RNFT2: variants seen among roughly 807,000 people sequenced by gnomAD.
RNFT2 encodes E3 ubiquitin-protein ligase RNFT2.
In RNFT2, 36 loss-of-function variants were observed where a neutral mutation model predicts 53.0. The observed-to-expected ratio is 0.68, with a 90% CI of 0.52 to 0.90. RNFT2 has a LOEUF of 0.90. Among genes scored for constraint, RNFT2 ranks in the 40% least tolerant of loss-of-function variants. The probability of loss-of-function intolerance (pLI) is 0.00; values close to 1 mark genes in which losing one functional copy is unlikely to be tolerated. For missense variants in RNFT2, 514 were observed against 585.6 expected (o/e 0.88, Z 1.26); for synonymous variants, 260 against 253.2 (o/e 1.03, Z -0.26).
At chr12:116,800,863 A>T (rs55846478) in intron 7 of RNFT2, among the ~76,000 whole-genome samples, 599 of 42,556 alleles carry the variant, frequency 0.014, 14 homozygotes, top group East Asian at 0.088. Context: ...TAAAATAAAA[A>T]CCATTTAACA....
chr12:116,753,503 T>C (rs532741032), intron 4 of RNFT2, among the ~76,000 whole-genome samples: 1 of 152,308 alleles, frequency 6.6e-6, no homozygotes, highest in South Asian at 2.1e-4. Flanking sequence ...ATTCTATCAA[T>C]CAGATTCTTT....
intron 7 of RNFT2, among the ~76,000 whole-genome samples, chr12:116,796,421 T>A (rs527843937): frequency 2.8e-4 from 42 of 152,162 alleles, no homozygotes; most frequent in Non-Finnish European, 5.9e-4. Flanking sequence ...TCATCTTAAC[T>A]AAGTTCTAGC....
intron 10 of RNFT2, among the ~76,000 whole-genome samples, chr12:116,841,839 A>ATATATAAATATATATATATT (rs1877301524): frequency 4.6e-5 from 1 of 21,918 alleles, no homozygotes; most frequent in African/African-American, 2.0e-4. Context: ...ATATAAATAT[A>ATATATAAATATATATATATT]TATATAAATA....
chr12:116,776,134 G>T (rs1359853562), intron 6 of RNFT2, among the ~76,000 whole-genome samples: 2 of 152,096 alleles, frequency 1.3e-5, no homozygotes, highest in Non-Finnish European at 2.9e-5. Context: ...AGTTTGTAGA[G>T]TAATTTAGAA....
intron 7 of RNFT2, among the ~76,000 whole-genome samples, chr12:116,790,029 TACAGCA>T (rs1056834117): frequency 1.3e-5 from 2 of 152,054 alleles, no homozygotes; most frequent in Admixed American, 6.6e-5. Context: ...TACCTCCTCT[TACAGCA>T]ACAGCAAGAG....
At position 116,755,818 on chromosome 12, in the gene RNFT2, A is replaced by G. The variant is rs964313235; in HGVS notation, c.627+1758A>G. 148 of 1,566,084 alleles carry G rather than the reference A, an allele frequency of 9.5e-5. 1 individual carries two copies. Among genetic ancestry groups the G allele is most frequent in the Middle Eastern group, 6.8e-4 (4 of 5,868 alleles). On this transcript the variant is annotated intron_variant, in intron 5 of 10. Coordinates refer to ENST00000257575, the MANE Select transcript of RNFT2 (RefSeq NM_001382266.1). ...CCAAAGGAACAACTCCATGTTTTCT[A>G]AAAGGCCTAGAGAACATATATCGGG...
At chr12:116,807,416 A>C (rs1875135327) in intron 7 of RNFT2, among the ~76,000 whole-genome samples, 1 of 152,200 alleles carries the variant, frequency 6.6e-6, no homozygotes, top group African/African-American at 2.4e-5. Flanking sequence ...TAAATGCTTC[A>C]TTAACATGAA....
chr12:116,841,098 C>A (rs1877226117), intron 10 of RNFT2, among the ~76,000 whole-genome samples: 1 of 152,116 alleles, frequency 6.6e-6, no homozygotes, highest in South Asian at 2.1e-4. Context: ...ACAAGTTACC[C>A]CAAAACTCAG....
chr12:116,814,671 G>A (rs1454778322), intron 7 of RNFT2, among the ~76,000 whole-genome samples: 3 of 152,060 alleles, frequency 2.0e-5, no homozygotes, highest in East Asian at 1.9e-4. Context: ...CACTGTTGCC[G>A]TATGATATTT....
chr12:116,757,837 C>A (rs937011313), intron 5 of RNFT2, among the ~76,000 whole-genome samples: 2 of 152,096 alleles, frequency 1.3e-5, no homozygotes, highest in African/African-American at 4.8e-5. Context: ...TCTGTTAAAT[C>A]CATTTGTTCC....
At chr12:116,846,848 C>T (rs2137226086) in intron 10 of RNFT2, among the ~76,000 whole-genome samples, 1 of 151,776 alleles carries the variant, frequency 6.6e-6, no homozygotes, top group Admixed American at 6.6e-5. Context: ...TGTGCATCTC[C>T]CAGGAACAAG....
intron 7 of RNFT2, among the ~76,000 whole-genome samples, chr12:116,815,347 C>T (rs1271443941): frequency 1.3e-5 from 2 of 152,196 alleles, no homozygotes; most frequent in Non-Finnish European, 2.9e-5. Context: ...AACAACACAA[C>T]TGTATTATCT....
intron 5 of RNFT2, among the ~76,000 whole-genome samples, chr12:116,760,429 T>G (rs1244499878): frequency 6.6e-6 from 1 of 152,190 alleles, no homozygotes; most frequent in East Asian, 1.9e-4. Flanking sequence ...CTGTGGAGTT[T>G]TAGCCCTTGC....
At position 116,788,528 on chromosome 12, in the gene RNFT2, C is replaced by T. The variant is rs79442021; in HGVS notation, c.882+9180C>T. On this transcript the variant is annotated intron_variant, in intron 7 of 10. Transcript: ENST00000257575. ...GCTAGGTGTGGTGCTCCCACGAGGA[C>T]TCCTACAGCACCCTATACTTCCCCT... Among the ~76,000 whole-genome samples, 113 of 152,274 alleles carry T rather than the reference C, an allele frequency of 7.4e-4. No individual in the cohort carries two copies. The East Asian group carries it at 0.02, about 27-fold the overall frequency.
intron 7 of RNFT2, among the ~76,000 whole-genome samples, chr12:116,782,856 A>G (rs1873775337): frequency 6.6e-6 from 1 of 152,040 alleles, no homozygotes; most frequent in Non-Finnish European, 1.5e-5. Flanking sequence ...ACCCTTCTAG[A>G]CTAGACCACT....
At chr12:116,748,007 G>A (rs954235569) in intron 3 of RNFT2, among the ~76,000 whole-genome samples, 106 of 152,132 alleles carry the variant, frequency 7.0e-4, no homozygotes, top group African/African-American at 2.3e-3. Flanking sequence ...CCTGGCCAAC[G>A]CGGTGAAACC....
At position 116,839,349 on chromosome 12, in the gene RNFT2, G is replaced by A. The variant is rs190569983; in HGVS notation, c.1200+3067G>A. On this transcript the variant is annotated intron_variant, in intron 10 of 10. Transcript: ENST00000257575. ...GACAGAAGGAAGGATGGATGGGATG[G>A]TTGGATGGAATGTTTAGATTAATAG... Among the ~76,000 whole-genome samples, 5 of 146,364 alleles carry A rather than the reference G, an allele frequency of 3.4e-5. No individual in the cohort carries two copies. The East Asian group carries it at 1.1e-3, about 32-fold the overall frequency.
At position 116,750,086 on chromosome 12, in the gene RNFT2, G is replaced by T. The variant is rs1024413016; in HGVS notation, c.329G>T (p.Arg110Leu). ...GRGEGGAYHH[R>L]QPHHHFHHGG... The stretch of plus-strand genomic sequence containing the variant: ...GGCGAGGGGGGCGCCTACCACCACC[G>T]CCAGCCCCACCACCATTTCCACCAT... Residue 110 changes from arginine (R) to leucine (L), a missense_variant, in exon 4 of 11, where the codon CGC becomes CTC. Around this residue, in one of 3 missense-constraint regions of RNFT2, gnomAD observed 237 missense variants for 235.1 expected, o/e 1.01. Coordinates refer to ENST00000257575, the MANE Select transcript of RNFT2 (RefSeq NM_001382266.1). 1.3e-6 allele frequency: 2 copies of T among 1,549,364 alleles called. No individual in the cohort carries two copies. The highest frequency in any genetic ancestry group is 1.7e-6 in the Non-Finnish European group (2 of 1,152,120).
At position 116,794,429 on chromosome 12, in the gene RNFT2, C is replaced by T. The variant is rs569376820; in HGVS notation, c.882+15081C>T. Among the ~76,000 whole-genome samples the T allele has an allele frequency of 5.3e-5, 8 of 151,406 alleles. No individual in the cohort carries two copies. The South Asian group carries it at 1.7e-3, about 32-fold the overall frequency. On this transcript the variant is annotated intron_variant, in intron 7 of 10. Transcript: ENST00000257575. ...CCTAGCCAATGTGGCAAAATCCTGTCTCTACTAAAAACACAAAAATTAGTC... is the reference window on the plus strand; with the variant it reads ...CCTAGCCAATGTGGCAAAATCCTGTTTCTACTAAAAACACAAAAATTAGTC...
Sources: gnomAD v4.1 joint callset for allele counts (sites outside exome capture counted in the v4.1 genomes callset) on GRCh38, gnomAD v4.1.1 for gene constraint, gnomAD v4.1.1 regional missense constraint, MANE v1.5 for transcripts, NCBI Gene and HGNC (gene_info 2026-07-23, HGNC 2026-07-21) for gene names.